MCF2L2: variants seen among roughly 807,000 people sequenced by gnomAD.
MCF2L2 encodes the protein MCF.2 cell line derived transforming sequence-like 2, also known as probable guanine nucleotide exchange factor MCF2L2.
Under a neutral mutation model 150.2 loss-of-function variants are expected in MCF2L2, and 102 were observed. The observed-to-expected ratio is 0.68, with a 90% confidence interval of 0.58 to 0.80. The LOEUF (loss-of-function observed/expected upper bound fraction) is 0.80, where lower values mean the gene tolerates loss of function less well. MCF2L2 is among the 30% of genes least tolerant of loss of function. MCF2L2 has a pLI of 0.00. For synonymous variants in MCF2L2, 465 were observed against 491.3 expected, an observed-to-expected ratio of 0.95 and a Z score of 0.71; for missense variants, 1,256 against 1,372.8, an observed-to-expected ratio of 0.91 and a Z score of 1.34.
chr3:183,201,927 C>T (rs1054406172), intron 25 of MCF2L2, among the ~76,000 whole-genome samples: 3 of 152,154 alleles, frequency 2.0e-5, no homozygotes, highest in Admixed American at 2.0e-4. Flanking sequence ...TAAATGATGG[C>T]TTGCAGCAAT....
chr3:183,395,715 T>G (rs972248458), intron 1 of MCF2L2, among the ~76,000 whole-genome samples: 2 of 151,812 alleles, frequency 1.3e-5, no homozygotes, highest in African/African-American at 4.8e-5. Context: ...GGTCAGGAGT[T>G]TGAGACCAGC....
intron 15 of MCF2L2, among the ~76,000 whole-genome samples, chr3:183,251,029 T>G (rs1165877421): frequency 6.6e-6 from 1 of 152,192 alleles, no homozygotes; most frequent in African/African-American, 2.4e-5. Context: ...ACAGAGAAGT[T>G]TGCTAACTTG....
chr3:183,311,056 G>T, intron 8 of MCF2L2, 27 bp from the exon 9 acceptor site: 1 of 1,436,800 alleles, frequency 7.0e-7, no homozygotes, highest in Non-Finnish European at 9.8e-7. Context: ...AGAAAGTGAT[G>T]TTAGGTTAGC....
At chr3:183,395,542 C>A (rs1009418321) in intron 1 of MCF2L2, among the ~76,000 whole-genome samples, 3 of 152,154 alleles carry the variant, frequency 2.0e-5, no homozygotes, top group Non-Finnish European at 1.5e-5. Flanking sequence ...AATTTACATG[C>A]AATACAATGC....
chr3:183,398,613 C>T (rs543091248), intron 1 of MCF2L2, among the ~76,000 whole-genome samples: 2 of 151,434 alleles, frequency 1.3e-5, no homozygotes, highest in African/African-American at 4.9e-5. Context: ...AAGCAAACAC[C>T]CAATTGCTAA....
intron 3 of MCF2L2, chr3:183,373,868 C>G (rs1713027953): frequency 6.6e-6 from 1 of 152,090 alleles, no homozygotes; most frequent in African/African-American, 2.4e-5. Flanking sequence ...GAATTCCACA[C>G]AGAATACTCC....
intron 5 of MCF2L2, 73 bp from the exon 6 acceptor site, chr3:183,323,424 TATC>T (rs940193525): frequency 1.5e-4 from 94 of 639,138 alleles, no homozygotes; most frequent in African/African-American, 1.1e-3. Flanking sequence ...ATTCTATTCT[TATC>T]ATAATTATAT....
intron 5 of MCF2L2, among the ~76,000 whole-genome samples, chr3:183,330,596 G>A (rs757890727): frequency 1.2e-4 from 19 of 152,210 alleles, no homozygotes; most frequent in East Asian, 3.9e-4. Flanking sequence ...ATAACACCAC[G>A]CATTTGTCAA....
rs769858538 is a variant in MCF2L2, at chr3:183,223,445, A to G, written c.2209-7T>C. The G allele has an allele frequency of 1.9e-6, 3 of 1,605,682 alleles. No homozygotes were observed. The highest frequency in any genetic ancestry group is 2.6e-6 in the Non-Finnish European group (3 of 1,172,296). On this transcript the variant is annotated splice_region_variant and splice_polypyrimidine_tract_variant and intron_variant, in intron 19 of 29. Transcript: ENST00000328913. Reference sequence around the variant, plus strand: ...CCAGTTGGCGCTGGCATACCTTTAAAAGCCAAATAGAAACAACATAAAGCA... The same window carrying G: ...CCAGTTGGCGCTGGCATACCTTTAAGAGCCAAATAGAAACAACATAAAGCA...
chr3:183,263,669 C>G (rs1416406124), intron 15 of MCF2L2, among the ~76,000 whole-genome samples: 1 of 152,174 alleles, frequency 6.6e-6, no homozygotes, highest in Non-Finnish European at 1.5e-5. Flanking sequence ...TCCTGTCTAA[C>G]TCGTCTTAGA....
At chr3:183,342,562 G>A (rs1007111920) in intron 3 of MCF2L2, among the ~76,000 whole-genome samples, 18 of 150,570 alleles carry the variant, frequency 1.2e-4, no homozygotes, top group Non-Finnish European at 1.0e-4. Flanking sequence ...CAGACTCTTC[G>A]TTTGTAAATC....
At chr3:183,237,796 G>A (rs1176626554) in intron 15 of MCF2L2, among the ~76,000 whole-genome samples, 1 of 22,952 alleles carries the variant, frequency 4.4e-5, no homozygotes, top group Admixed American at 4.8e-4. Context: ...TGATGTTAGG[G>A]TGTCAATTTT....
chr3:183,366,517 T>C (rs1189651109), intron 3 of MCF2L2, among the ~76,000 whole-genome samples: 3 of 152,126 alleles, frequency 2.0e-5, no homozygotes, highest in South Asian at 2.1e-4. Flanking sequence ...TGGTGGTGTG[T>C]GCCAGTAATC....
chr3:183,413,785 G>A (rs1715442436), intron 1 of MCF2L2, among the ~76,000 whole-genome samples: 1 of 152,174 alleles, frequency 6.6e-6, no homozygotes, highest in African/African-American at 2.4e-5. Context: ...TCCTTTCTCG[G>A]CTGTCCTTCC....
At chr3:183,351,453 A>C (rs898593857) in intron 3 of MCF2L2, among the ~76,000 whole-genome samples, 4 of 152,030 alleles carry the variant, frequency 2.6e-5, no homozygotes, top group African/African-American at 9.6e-5. Context: ...ATCAGAACTG[A>C]GTCAAATGTA....
intron 1 of MCF2L2, among the ~76,000 whole-genome samples, chr3:183,414,998 T>C (rs66575328): frequency 0.12 from 18,746 of 152,212 alleles, 1,260 homozygotes; most frequent in East Asian, 0.2. Flanking sequence ...TCCATGTTCC[T>C]TGGAACACTT....
chr3:183,297,033 C>A lies in MCF2L2; in HGVS notation c.1440G>T (p.Leu480Phe), dbSNP rs1345733761. 3 of 1,613,992 alleles carry A rather than the reference C, an allele frequency of 1.9e-6. No individual in the cohort carries two copies. In the African/African-American group the frequency reaches 4.0e-5, roughly 22 times the overall value. ...CGTTGTAAAACTCCTTGGGGCTGAG[C>A]AACGGGTACTCCTTGACTGTGCCCA... ...TFLGTVKEYP[L>F]LSPKEFYNEF... The change falls in exon 12 of 30, where the codon TTG becomes TTT. Residue 480 changes from leucine to phenylalanine, a missense_variant. Coordinates refer to ENST00000328913, the MANE Select transcript of MCF2L2 (RefSeq NM_015078.4).
rs1174641109 is a variant in MCF2L2, at chr3:183,253,256, T to C, written c.1863-22239A>G. On this transcript the variant is annotated intron_variant, in intron 15 of 29. Transcript: ENST00000328913. ...CGGGCCCGCCCCCATCCCGCCCGCATACAGCCCGCATCCCGCCGGGGAAGC... is the reference window on the plus strand; with the variant it reads ...CGGGCCCGCCCCCATCCCGCCCGCACACAGCCCGCATCCCGCCGGGGAAGC... 5 of 139,410 alleles carry C rather than the reference T, an allele frequency of 3.6e-5. No individual in the cohort carries two copies. In the East Asian group the frequency reaches 1.0e-3, roughly 28 times the overall value. 8.6% of individuals were successfully genotyped at this position (139,410 alleles called of 1,614,324 possible).
chr3:183,383,477 C>T (rs1234459799), intron 2 of MCF2L2, among the ~76,000 whole-genome samples: 3 of 152,016 alleles, frequency 2.0e-5, no homozygotes, highest in East Asian at 1.9e-4. Flanking sequence ...TCAGGTGATC[C>T]GCCCACCTCG....
Sources: allele counts gnomAD v4.1 joint callset (sites outside exome capture counted in the v4.1 genomes callset), GRCh38; gene constraint gnomAD v4.1.1; transcripts MANE v1.5; gene names NCBI Gene and HGNC (gene_info 2026-07-23, HGNC 2026-07-21).